PTPRS: variants seen among roughly 807,000 people sequenced by gnomAD.
The protein encoded by PTPRS is receptor-type tyrosine-protein phosphatase S.
Under a neutral mutation model 215.3 loss-of-function variants are expected in PTPRS, and 63 were observed. That is an observed-to-expected ratio of 0.29 (90% CI 0.24 to 0.36). The LOEUF (loss-of-function observed/expected upper bound fraction) is 0.36, where lower values mean the gene tolerates loss of function less well. PTPRS is among the 10% of genes least tolerant of loss of function. The pLI is 1.00. For missense variants in PTPRS, 2,258 were observed against 2,825.8 expected, an observed-to-expected ratio of 0.80 and a Z score of 4.56; for synonymous variants, 1,404 against 1,191.4, an observed-to-expected ratio of 1.18 and a Z score of -3.68.
chr19:5,222,642 G>GGGGGC, intron 18 of PTPRS, 47 bp downstream of exon 18: 3 of 1,369,376 alleles, frequency 2.2e-6, no homozygotes, highest in Non-Finnish European at 9.7e-7. Context: ...GTGGGGGTGG[G>GGGGGC]CGCAAGGCCC....
At chr19:5,286,330 G>T (rs921153588) in intron 1 of PTPRS, 96 bp from the exon 2 acceptor site, 5 of 623,184 alleles carry the variant, frequency 8.0e-6, no homozygotes, top group Non-Finnish European at 8.6e-6. Flanking sequence ...GCAGGGGAGG[G>T]TCCTGCGGGG....
chr19:5,316,423 C>T (rs988219491), intron 1 of PTPRS, among the ~76,000 whole-genome samples: 1 of 151,988 alleles, frequency 6.6e-6, no homozygotes, highest in South Asian at 2.1e-4. Context: ...GACGGAGTCT[C>T]GCTCTGTCAC....
intron 1 of PTPRS, among the ~76,000 whole-genome samples, chr19:5,327,117 C>T (rs971554270): frequency 6.6e-6 from 1 of 152,232 alleles, no homozygotes; most frequent in African/African-American, 2.4e-5. Flanking sequence ...TGCCCTGCGA[C>T]TCGGTCTGCG....
chr19:5,271,399 T>TC (rs1360497912), intron 4 of PTPRS, among the ~76,000 whole-genome samples: 2 of 151,794 alleles, frequency 1.3e-5, no homozygotes, highest in African/African-American at 4.8e-5. Context: ...CCGATTTTTT[T>TC]TTTTTTTTTT....
rs368691545 is a variant in PTPRS, at chr19:5,260,812, C to T, written c.588G>A (p.Pro196=). The T allele has an allele frequency of 3.3e-5, 54 of 1,613,574 alleles. No homozygotes were observed. The highest frequency in any genetic ancestry group is 2.3e-4 in the African/African-American group (17 of 74,922). Residue 196 remains proline, a synonymous_variant, in exon 7 of 38, where the codon CCG becomes CCA. Coordinates refer to ENST00000262963, the MANE Select transcript of PTPRS (RefSeq NM_002850.4). ...GAGTGAGGAGCCTCTTACCTCGAAT[C>T]GGAGTGCTTTCTGTAAGGGAAGCAG... The part of the protein sequence containing the change: ...QLRSETFEST[P]IRGALQIESS...
chr19:5,340,598 C>A (rs1464303328), intron 1 of PTPRS, 66 bp downstream of exon 1: 1 of 151,264 alleles, frequency 6.6e-6, no homozygotes, highest in South Asian at 2.1e-4. Context: ...CCTCCGAGAC[C>A]CCCCTTGGAG....
chr19:5,270,156 G>A (rs1207894818), intron 4 of PTPRS, among the ~76,000 whole-genome samples: 2 of 152,106 alleles, frequency 1.3e-5, no homozygotes, highest in South Asian at 2.1e-4. Context: ...GCCTGACTCC[G>A]CCCCCGCTCC....
chr19:5,314,237 C>T (rs2049802384), intron 1 of PTPRS, among the ~76,000 whole-genome samples: 1 of 152,138 alleles, frequency 6.6e-6, no homozygotes, highest in Non-Finnish European at 1.5e-5. Context: ...TTCCATGAAC[C>T]TCAGTAAGAT....
intron 3 of PTPRS, 130 bp from the exon 4 acceptor site, chr19:5,273,713 T>G (rs755879054): frequency 8.6e-7 from 1 of 1,156,502 alleles, no homozygotes; most frequent in Non-Finnish European, 1.2e-6. Context: ...ACTGGGAGAA[T>G]TGCTGCAGGC....
At chr19:5,285,039 C>G (rs1314600141) in intron 2 of PTPRS, among the ~76,000 whole-genome samples, 1 of 152,172 alleles carries the variant, frequency 6.6e-6, no homozygotes, top group East Asian at 1.9e-4. Flanking sequence ...GTTTGTTAAC[C>G]AGCAGTAATA....
At position 5,244,060 on chromosome 19, in the gene PTPRS, G is replaced by A. The variant is rs773100971; in HGVS notation, c.1411C>T (p.Pro471Ser). The A allele has an allele frequency of 6.2e-7, 1 of 1,610,710 alleles. No homozygotes were observed. Among genetic ancestry groups the A allele is most frequent in the Non-Finnish European group, 8.5e-7 (1 of 1,179,904 alleles). ...TTGTGCTTCTGCCAGTTGCCCACGGGGTGCTCCGGTTCCATGGTGTAGTAG... is the reference window on the plus strand; with the variant it reads ...TTGTGCTTCTGCCAGTTGCCCACGGAGTGCTCCGGTTCCATGGTGTAGTAG... ...RVYYTMEPEH[P>S]VGNWQKHNVD... The change falls in exon 11 of 38, where the codon CCC becomes TCC. Residue 471 changes from proline (P) to serine (S), a missense_variant. Pro to Ser is a moderately conservative substitution (Grantham distance 74). This residue lies in a region of PTPRS where 508 missense variants were observed against 799.4 expected (regional missense o/e 0.64). Coordinates refer to ENST00000262963, the MANE Select transcript of PTPRS (RefSeq NM_002850.4). This position sits in a 1 kb window ranked among gnomAD's most constrained non-coding sequence, Gnocchi z 7.2.
At chr19:5,310,413 GTTCAAGCAA>G (rs1568604250) in intron 1 of PTPRS, among the ~76,000 whole-genome samples, 3 of 147,056 alleles carry the variant, frequency 2.0e-5, no homozygotes, top group African/African-American at 5.1e-5. Flanking sequence ...CGCTTCCCCC[GTTCAAGCAA>G]TTCTCCTGCC....
intron 4 of PTPRS, among the ~76,000 whole-genome samples, chr19:5,270,668 C>T (rs1235851949): frequency 6.6e-6 from 1 of 151,968 alleles, no homozygotes; most frequent in African/African-American, 2.4e-5. Context: ...GATGGAGTCT[C>T]CCTGTGTCAC....
At chr19:5,215,701 G>T in intron 26 of PTPRS, 106 bp from the exon 27 acceptor site, 1 of 818,208 alleles carries the variant, frequency 1.2e-6, no homozygotes, top group Non-Finnish European at 1.9e-6. Context: ...GTGAGCTGTG[G>T]TTAGAAGGGC....
intron 9 of PTPRS, among the ~76,000 whole-genome samples, chr19:5,255,297 C>T (rs542886182): frequency 1.3e-5 from 2 of 152,310 alleles, no homozygotes; most frequent in Admixed American, 6.5e-5. Flanking sequence ...TCCCTTGTGC[C>T]CTTGTGCCTA....
chr19:5,330,187 G>C (rs1210844363), intron 1 of PTPRS, among the ~76,000 whole-genome samples: 1 of 152,098 alleles, frequency 6.6e-6, no homozygotes, highest in Non-Finnish European at 1.5e-5. Flanking sequence ...CAGGGCCCCC[G>C]TGAAGCTGGG....
At chr19:5,222,346 G>GC in intron 18 of PTPRS, 126 bp from the exon 19 acceptor site, 1 of 799,222 alleles carries the variant, frequency 1.3e-6, no homozygotes, top group Non-Finnish European at 2.1e-6. Context: ...CTGTGCCCAT[G>GC]CCCACGGCCT....
intron 1 of PTPRS, among the ~76,000 whole-genome samples, chr19:5,296,719 G>T (rs2049146354): frequency 6.6e-6 from 1 of 151,338 alleles, no homozygotes; most frequent in South Asian, 2.1e-4. Flanking sequence ...AAAGAGGAGG[G>T]GAGGGGAGGG....
At chr19:5,225,476 CTGT>C (rs1389405496) in intron 17 of PTPRS, among the ~76,000 whole-genome samples, 1 of 147,698 alleles carries the variant, frequency 6.8e-6, no homozygotes, top group African/African-American at 2.5e-5. Context: ...TCAGAGGTGG[CTGT>C]TAACTGTTTC....
Sources: gnomAD v4.1 joint callset for allele counts (sites outside exome capture counted in the v4.1 genomes callset) on GRCh38, gnomAD v4.1.1 for gene constraint, gnomAD v4.1.1 regional missense constraint, Gnocchi (gnomAD v3.1) non-coding constraint, MANE v1.5 for transcripts, NCBI Gene and HGNC (gene_info 2026-07-23, HGNC 2026-07-21) for gene names.